The following LRRTM4 variants were observed in gnomAD, a reference collection of about 807,000 sequenced individuals.
LRRTM4 encodes the protein leucine rich repeat transmembrane neuronal 4.
Under a neutral mutation model 47.6 loss-of-function variants are expected in LRRTM4, and 25 were observed. The observed-to-expected ratio is 0.53, with a 90% CI of 0.38 to 0.73. The LOEUF is 0.73. Among genes scored for constraint, LRRTM4 ranks in the 30% least tolerant of loss-of-function variants. The pLI is 0.00. For synonymous variants in LRRTM4, 311 were observed against 269.5 expected, an observed-to-expected ratio of 1.15 and a Z score of -1.51; for missense variants, 638 against 713.4, an observed-to-expected ratio of 0.89 and a Z score of 1.20.
At chr2:76,786,734 TCAA>T (rs1674694126) in intron 3 of LRRTM4, among the ~76,000 whole-genome samples, 1 of 152,210 alleles carries the variant, frequency 6.6e-6, no homozygotes, top group African/African-American at 2.4e-5. Context: ...TTATATTGTG[TCAA>T]CAAGTTAGAA....
chr2:76,979,121 T>A (rs1676511980), intron 3 of LRRTM4, among the ~76,000 whole-genome samples: 1 of 151,986 alleles, frequency 6.6e-6, no homozygotes. Context: ...AGCAGTTGCT[T>A]AACTGAGTAA....
chr2:76,846,577 T>C (rs1445547648), intron 3 of LRRTM4, among the ~76,000 whole-genome samples: 2 of 152,116 alleles, frequency 1.3e-5, no homozygotes, highest in African/African-American at 4.8e-5. Flanking sequence ...AATAATTTTA[T>C]ATCAGTTCAT....
At position 77,374,541 on chromosome 2, in the gene LRRTM4, A is replaced by G. The variant is rs1672761303; in HGVS notation, c.1551+143777T>C. Among the ~76,000 whole-genome samples, 3 of 151,850 alleles carry G rather than the reference A, an allele frequency of 2.0e-5. No homozygotes were observed. In the South Asian group the frequency reaches 6.2e-4, roughly 31 times the overall value. ...ATAGATTTTCATCATCTCTTCTAATATGGAACTAGATGGTAATTCTAGACT... is the reference window on the plus strand; with the variant it reads ...ATAGATTTTCATCATCTCTTCTAATGTGGAACTAGATGGTAATTCTAGACT... On this transcript the variant is annotated intron_variant, in intron 3 of 3. Coordinates refer to ENST00000409884, the MANE Select transcript of LRRTM4 (RefSeq NM_001134745.3).
intron 3 of LRRTM4, among the ~76,000 whole-genome samples, chr2:77,337,289 T>C (rs747365360): frequency 6.6e-6 from 1 of 152,124 alleles, no homozygotes; most frequent in African/African-American, 2.4e-5. Context: ...AAAATGTCCA[T>C]ACTGTCCAAA....
intron 3 of LRRTM4, among the ~76,000 whole-genome samples, chr2:77,464,675 G>A (rs564477942): frequency 1.3e-5 from 2 of 152,084 alleles, no homozygotes; most frequent in South Asian, 2.1e-4. Flanking sequence ...CAGAACTCTC[G>A]TGGTGAGGTC....
Position 77,362,170 on chromosome 2 carries a change from A to AAAGAAAGAAAGAAAGAAAGGAAGG in LRRTM4, c.1551+156147_1551+156148insCCTTCCTTTCTTTCTTTCTTTCTT, listed in dbSNP as rs1282143102. Among the ~76,000 whole-genome samples, 232 of 133,518 alleles carry AAAGAAAGAAAGAAAGAAAGGAAGG rather than the reference A, an allele frequency of 1.7e-3. 3 individuals carry two copies. Among genetic ancestry groups the AAAGAAAGAAAGAAAGAAAGGAAGG allele is most frequent in the Middle Eastern group, 3.7e-3 (1 of 270 alleles). The allele number at this position is 133,518 out of a possible 152,430, so 87.6% of individuals were successfully genotyped here. ...GAAAGAAAGAAAGAAAGAAAGAAAG[A>AAAGAAAGAAAGAAAGAAAGGAAGG]AAGGAAGGAAGGAAGAGTTCTTAAT... On this transcript the variant is annotated intron_variant, in intron 3 of 3. Transcript: ENST00000409884.
At chr2:77,274,899 C>T (rs913800447) in intron 3 of LRRTM4, among the ~76,000 whole-genome samples, 2 of 152,056 alleles carry the variant, frequency 1.3e-5, no homozygotes, top group African/African-American at 4.8e-5. Flanking sequence ...GATTTGGTAG[C>T]CCTCATTGTG....
intron 3 of LRRTM4, among the ~76,000 whole-genome samples, chr2:76,934,551 A>T (rs1395694905): frequency 1.3e-5 from 2 of 152,288 alleles, no homozygotes; most frequent in East Asian, 1.9e-4. Flanking sequence ...AGGCAAAAAA[A>T]TTTAAAAAGC....
At chr2:77,068,555 A>G (rs533306712) in intron 3 of LRRTM4, among the ~76,000 whole-genome samples, 2 of 152,186 alleles carry the variant, frequency 1.3e-5, no homozygotes, top group Non-Finnish European at 2.9e-5. Context: ...GAATTTATAC[A>G]ATATGTGACA....
At chr2:76,978,965 G>C (rs6741793) in intron 3 of LRRTM4, among the ~76,000 whole-genome samples, 1 of 151,950 alleles carries the variant, frequency 6.6e-6, no homozygotes, top group Admixed American at 6.6e-5. Context: ...CAACCTTAAA[G>C]TCCCTGAAAT....
intron 3 of LRRTM4, among the ~76,000 whole-genome samples, chr2:77,507,630 G>A (rs1678826677): frequency 6.6e-6 from 1 of 151,428 alleles, no homozygotes; most frequent in African/African-American, 2.4e-5. Flanking sequence ...ACATTTCTCA[G>A]AAATTAAAAA....
intron 3 of LRRTM4, among the ~76,000 whole-genome samples, chr2:77,336,884 A>G (rs1019492210): frequency 1.3e-5 from 2 of 152,148 alleles, no homozygotes; most frequent in Non-Finnish European, 2.9e-5. Context: ...AGACGGGACA[A>G]TGAACCAAAA....
intron 3 of LRRTM4, among the ~76,000 whole-genome samples, chr2:77,275,068 G>T (rs1036685018): frequency 6.6e-6 from 1 of 151,986 alleles, no homozygotes; most frequent in African/African-American, 2.4e-5. Flanking sequence ...AAAAAAAAGA[G>T]GGAAGAGACA....
intron 3 of LRRTM4, among the ~76,000 whole-genome samples, chr2:77,023,563 G>T (rs1678348017): frequency 6.6e-6 from 1 of 152,192 alleles, no homozygotes; most frequent in Non-Finnish European, 1.5e-5. Context: ...TTGCTGCTTA[G>T]AAATTTCTTC....
At chr2:77,371,648 T>TG (rs139893281) in intron 3 of LRRTM4, among the ~76,000 whole-genome samples, 2,103 of 151,840 alleles carry the variant, frequency 0.014, 58 homozygotes, top group African/African-American at 0.048. Flanking sequence ...CTCCGGTTTT[T>TG]GGGGGGTCCT....
intron 3 of LRRTM4, among the ~76,000 whole-genome samples, chr2:76,938,085 A>T (rs1675019017): frequency 6.6e-6 from 1 of 151,778 alleles, no homozygotes; most frequent in African/African-American, 2.4e-5. Flanking sequence ...CTCTCTTCTT[A>T]TATTATTTTA....
At chr2:76,770,272 C>G (rs887717083) in intron 3 of LRRTM4, among the ~76,000 whole-genome samples, 1 of 152,274 alleles carries the variant, frequency 6.6e-6, no homozygotes, top group Non-Finnish European at 1.5e-5. Context: ...CCTTGTCTTT[C>G]AAAACTCATA....
At chr2:77,227,808 C>T (rs1674855079) in intron 3 of LRRTM4, among the ~76,000 whole-genome samples, 1 of 151,866 alleles carries the variant, frequency 6.6e-6, no homozygotes, top group Non-Finnish European at 1.5e-5. Context: ...ATTCTACAAC[C>T]AGGATTGTTT....
intron 3 of LRRTM4, among the ~76,000 whole-genome samples, chr2:77,350,896 T>G (rs1671742900): frequency 6.6e-6 from 1 of 152,134 alleles, no homozygotes; most frequent in South Asian, 2.1e-4. Flanking sequence ...CTGAAAAAAA[T>G]TAAAATATTA....
Sources: allele counts gnomAD v4.1 joint callset (sites outside exome capture counted in the v4.1 genomes callset), GRCh38; gene constraint gnomAD v4.1.1; transcripts MANE v1.5; gene names NCBI Gene and HGNC (gene_info 2026-07-23, HGNC 2026-07-21).